The following GABRA4 variants were observed in gnomAD, a reference collection of about 807,000 sequenced individuals.
GABRA4 encodes gamma-aminobutyric acid type A receptor subunit alpha4.
Under a neutral mutation model 49.7 loss-of-function variants are expected in GABRA4, and 12 were observed. The ratio of observed to expected loss-of-function variants is 0.24; its 90% confidence interval spans 0.15 to 0.39. The LOEUF (loss-of-function observed/expected upper bound fraction) is 0.39, where lower values mean the gene tolerates loss of function less well. Ranked by LOEUF, GABRA4 falls within the 10% of genes least tolerant of loss-of-function variation. The probability of loss-of-function intolerance (pLI) is 1.00; values close to 1 mark genes in which losing one functional copy is unlikely to be tolerated. For synonymous variants in GABRA4, 288 were observed against 240.2 expected, an observed-to-expected ratio of 1.20 and a Z score of -1.84; for missense variants, 506 against 686.0, an observed-to-expected ratio of 0.74 and a Z score of 2.93.
intron 7 of GABRA4, among the ~76,000 whole-genome samples, chr4:46,966,181 C>T (rs1048947670): frequency 2.0e-5 from 3 of 151,702 alleles, no homozygotes; most frequent in Non-Finnish European, 2.9e-5. Flanking sequence ...CCATGTTATG[C>T]AGTTAAGTCT....
intron 2 of GABRA4, among the ~76,000 whole-genome samples, chr4:46,982,706 G>A (rs1215774344): frequency 6.6e-6 from 1 of 151,928 alleles, no homozygotes; most frequent in East Asian, 1.9e-4. Context: ...GGCCACTGAG[G>A]GTTTGAAGTA....
intron 2 of GABRA4, among the ~76,000 whole-genome samples, chr4:46,980,507 C>T (rs368840586): frequency 6.6e-6 from 1 of 151,740 alleles, no homozygotes; most frequent in African/African-American, 2.4e-5. Flanking sequence ...AAAGATAGCT[C>T]GAGGGAGAAT....
At chr4:46,973,741 C>G (rs935798098) in intron 6 of GABRA4, among the ~76,000 whole-genome samples, 2 of 151,600 alleles carry the variant, frequency 1.3e-5, no homozygotes, top group Non-Finnish European at 2.9e-5. Context: ...ATAAACATCC[C>G]CCCTACTCAT....
chr4:46,942,674 A>C (rs989175325), intron 8 of GABRA4, among the ~76,000 whole-genome samples: 2 of 151,848 alleles, frequency 1.3e-5, no homozygotes. Context: ...TCAGTATGTA[A>C]CACTGTTAAT....
intron 8 of GABRA4, among the ~76,000 whole-genome samples, chr4:46,955,380 C>T (rs1019416791): frequency 2.0e-5 from 3 of 152,006 alleles, no homozygotes; most frequent in African/African-American, 7.2e-5. Flanking sequence ...TTCCATGTGA[C>T]ATTATTGCCA....
chr4:46,976,552 C>T (rs973949547), intron 5 of GABRA4, among the ~76,000 whole-genome samples: 1 of 151,562 alleles, frequency 6.6e-6, no homozygotes, highest in African/African-American at 2.4e-5. Flanking sequence ...CACTGTTATG[C>T]TAACAGTGCT....
chr4:46,979,327 G>T (rs762214309), intron 2 of GABRA4, among the ~76,000 whole-genome samples: 3 of 152,004 alleles, frequency 2.0e-5, no homozygotes, highest in Non-Finnish European at 4.4e-5. Context: ...TACTTACCAG[G>T]AACCTTGTTT....
chr4:46,952,875 A>C (rs746405710), intron 8 of GABRA4, among the ~76,000 whole-genome samples: 1 of 152,244 alleles, frequency 6.6e-6, no homozygotes, highest in South Asian at 2.1e-4. Context: ...GTACCAGAAA[A>C]AAACCTTTTA....
At chr4:46,936,868 A>T (rs1278276874) in intron 8 of GABRA4, among the ~76,000 whole-genome samples, 1 of 152,196 alleles carries the variant, frequency 6.6e-6, no homozygotes, top group East Asian at 1.9e-4. Flanking sequence ...GACTTTCTTC[A>T]ACATATAAAT....
At chr4:46,978,934 C>A in intron 3 of GABRA4, 97 bp downstream of exon 3, 2 of 802,864 alleles carry the variant, frequency 2.5e-6, no homozygotes, top group South Asian at 1.5e-5. Context: ...AGGTTTCTGG[C>A]TTTGTGTGAT....
chr4:46,936,357 C>A (rs755259356), intron 8 of GABRA4, among the ~76,000 whole-genome samples: 20 of 152,150 alleles, frequency 1.3e-4, no homozygotes, highest in Non-Finnish European at 2.5e-4. Flanking sequence ...TCAAGCAATT[C>A]TCCTGCCTCA....
chr4:46,943,764 A>T (rs2109350413), intron 8 of GABRA4, among the ~76,000 whole-genome samples: 1 of 152,276 alleles, frequency 6.6e-6, no homozygotes, highest in East Asian at 1.9e-4. Context: ...TGCCTGAGGG[A>T]CATACTGCCT....
chr4:46,934,861 G>T (rs1247681606), intron 8 of GABRA4, among the ~76,000 whole-genome samples: 3 of 152,126 alleles, frequency 2.0e-5, no homozygotes, highest in African/African-American at 4.8e-5. Flanking sequence ...TCAGAGCAGA[G>T]GTTCTTAGCT....
intron 8 of GABRA4, among the ~76,000 whole-genome samples, chr4:46,961,670 T>C (rs1464978108): frequency 2.0e-5 from 3 of 151,970 alleles, no homozygotes; most frequent in Non-Finnish European, 4.4e-5. Context: ...TATATACGTG[T>C]TGATTTGGGT....
chr4:46,959,715 A>C (rs1722496122), intron 8 of GABRA4, among the ~76,000 whole-genome samples: 1 of 148,116 alleles, frequency 6.8e-6, no homozygotes, highest in Non-Finnish European at 1.5e-5. Flanking sequence ...AAGTGTTTAG[A>C]ATATTCCATG....
intron 8 of GABRA4, among the ~76,000 whole-genome samples, chr4:46,944,972 G>T (rs1225956387): frequency 1.3e-5 from 2 of 152,044 alleles, no homozygotes; most frequent in African/African-American, 4.8e-5. Context: ...TGAATTCGAT[G>T]AAAAATAAAT....
chr4:46,947,916 G>A (rs1016296421), intron 8 of GABRA4, among the ~76,000 whole-genome samples: 1 of 152,050 alleles, frequency 6.6e-6, no homozygotes, highest in Non-Finnish European at 1.5e-5. Context: ...CTCTCATGTG[G>A]TTTCAATCAG....
intron 8 of GABRA4, among the ~76,000 whole-genome samples, chr4:46,938,162 A>G (rs1244162390): frequency 6.6e-6 from 1 of 152,138 alleles, no homozygotes; most frequent in Non-Finnish European, 1.5e-5. Context: ...TTAGATGGCC[A>G]AGTAAATTCA....
At chr4:46,967,695 C>T (rs1430660625) in intron 7 of GABRA4, among the ~76,000 whole-genome samples, 1 of 151,622 alleles carries the variant, frequency 6.6e-6, no homozygotes, top group East Asian at 1.9e-4. Context: ...GCTTAGCCGG[C>T]ATCTACCCTG....
Sources: allele counts gnomAD v4.1 joint callset (sites outside exome capture counted in the v4.1 genomes callset), GRCh38; gene constraint gnomAD v4.1.1; transcripts MANE v1.5; gene names NCBI Gene and HGNC (gene_info 2026-07-23, HGNC 2026-07-21).